LRP1B: variants seen among roughly 807,000 people sequenced by gnomAD.
LRP1B encodes the protein LDL receptor related protein 1B.
A neutral mutation model predicts 556.6 loss-of-function variants in LRP1B; 217 were observed. That is an observed-to-expected ratio of 0.39 (90% CI 0.35 to 0.44). The LOEUF is 0.44. Among genes scored for constraint, LRP1B ranks in the 20% least tolerant of loss-of-function variants. The probability of loss-of-function intolerance (pLI) is 1.00; values close to 1 mark genes in which losing one functional copy is unlikely to be tolerated. For missense variants in LRP1B, 5,053 were observed against 5,620.8 expected, an observed-to-expected ratio of 0.90 and a Z score of 3.23; for synonymous variants, 2,047 against 1,865.8, an observed-to-expected ratio of 1.10 and a Z score of -2.50.
At chr2:141,717,114 G>C (rs1054806885) in intron 2 of LRP1B, among the ~76,000 whole-genome samples, 1 of 152,052 alleles carries the variant, frequency 6.6e-6, no homozygotes, top group African/African-American at 2.4e-5. Context: ...TCAGAGGTAT[G>C]ATATAAATGT....
At chr2:140,361,007 T>C (rs889537759) in intron 72 of LRP1B, among the ~76,000 whole-genome samples, 1 of 151,372 alleles carries the variant, frequency 6.6e-6, no homozygotes, top group African/African-American at 2.4e-5. Context: ...TTTATCTTAA[T>C]TCTAGCTCAT....
intron 11 of LRP1B, among the ~76,000 whole-genome samples, chr2:141,031,264 CACACACACACACACACAT>C (rs1321431049): frequency 1.1e-5 from 1 of 87,132 alleles, no homozygotes; most frequent in African/African-American, 3.9e-5. Flanking sequence ...CACACACACA[CACACACACACACACACAT>C]ACATACATAT....
intron 3 of LRP1B, among the ~76,000 whole-genome samples, chr2:141,450,068 TTGAGGAGGGAAGAAAGGA>T (rs1474053049): frequency 6.6e-6 from 1 of 151,810 alleles, no homozygotes; most frequent in Non-Finnish European, 1.5e-5. Context: ...ATTTTAAACG[TTGAGGAGGGAAGAAAGGA>T]TAAAGGAAGA....
In LRP1B at chr2:141,575,096, G is replaced by GA. The variant is rs926946017; in HGVS notation, c.206-94564dup. Reference sequence around the variant, plus strand: ...CCATTGACATTCTTCACAGAATTTGGAAAAAAAAAACTATTTTAAATTTTA... The same window carrying GA: ...CCATTGACATTCTTCACAGAATTTGGAAAAAAAAAAACTATTTTAAATTTTA... On this transcript the variant is annotated intron_variant, in intron 2 of 90. Coordinates refer to ENST00000389484, the MANE Select transcript of LRP1B (RefSeq NM_018557.3). 2.8e-3 allele frequency among the ~76,000 whole-genome samples: 410 copies of GA among 147,220 alleles called. 1 individual carries two copies. The highest frequency in any genetic ancestry group is 9.4e-3 in the African/African-American group (379 of 40,268).
At chr2:140,703,312 C>T (rs1283782315) in intron 37 of LRP1B, among the ~76,000 whole-genome samples, 2 of 151,894 alleles carry the variant, frequency 1.3e-5, no homozygotes, top group Non-Finnish European at 2.9e-5. Context: ...AGAAAGAACA[C>T]ATATAGTATG....
chr2:141,550,065 T>A (rs1399705602), intron 2 of LRP1B, among the ~76,000 whole-genome samples: 1 of 152,174 alleles, frequency 6.6e-6, no homozygotes, highest in Non-Finnish European at 1.5e-5. Context: ...ACAATCCTCA[T>A]ACGTATATTT....
chr2:142,033,091 C>T (rs1006593648), intron 1 of LRP1B, among the ~76,000 whole-genome samples: 1 of 151,780 alleles, frequency 6.6e-6, no homozygotes, highest in African/African-American at 2.4e-5. Context: ...CTCTCAGACT[C>T]CCCACGATGA....
intron 23 of LRP1B, among the ~76,000 whole-genome samples, chr2:140,889,286 C>T (rs1693730886): frequency 1.3e-5 from 2 of 152,052 alleles, no homozygotes; most frequent in South Asian, 2.1e-4. Flanking sequence ...TTCCTATATA[C>T]TGTAATTATT....
intron 18 of LRP1B, among the ~76,000 whole-genome samples, chr2:140,958,288 T>G (rs1381404361): frequency 6.6e-6 from 1 of 151,422 alleles, no homozygotes. Flanking sequence ...ATAAAATAGG[T>G]AAGTCAAAAT....
At chr2:140,747,270 T>C (rs867904991) in intron 35 of LRP1B, among the ~76,000 whole-genome samples, 11 of 152,182 alleles carry the variant, frequency 7.2e-5, no homozygotes, top group Admixed American at 2.6e-4. Flanking sequence ...GTGAAGGCTC[T>C]TTCACTCACC....
intron 1 of LRP1B, among the ~76,000 whole-genome samples, chr2:141,821,805 A>G (rs1696760184): frequency 6.6e-6 from 1 of 152,176 alleles, no homozygotes; most frequent in South Asian, 2.1e-4. Context: ...ACTCACAAAA[A>G]CATCTTATAT....
At chr2:141,521,267 T>C (rs577392869) in intron 2 of LRP1B, among the ~76,000 whole-genome samples, 6 of 152,160 alleles carry the variant, frequency 3.9e-5, no homozygotes, top group African/African-American at 1.2e-4. Context: ...CTTTCAGAAA[T>C]CTCAAATTAT....
At chr2:141,966,799 A>C (rs1701578584) in intron 1 of LRP1B, among the ~76,000 whole-genome samples, 1 of 151,702 alleles carries the variant, frequency 6.6e-6, no homozygotes, top group Non-Finnish European at 1.5e-5. Context: ...TCCGGTGGAG[A>C]AATCATTCTA....
At chr2:141,494,007 T>A (rs944801778) in intron 2 of LRP1B, among the ~76,000 whole-genome samples, 3 of 152,168 alleles carry the variant, frequency 2.0e-5, no homozygotes, top group Non-Finnish European at 4.4e-5. Flanking sequence ...TTTAAGCATT[T>A]AATCAGTCTA....
intron 41 of LRP1B, among the ~76,000 whole-genome samples, chr2:140,688,033 C>T (rs1574242448): frequency 6.6e-6 from 1 of 152,208 alleles, no homozygotes; most frequent in South Asian, 2.1e-4. Context: ...TCTTTTATTA[C>T]TTCCTATGAA....
At chr2:141,707,625 A>G (rs1474911635) in intron 2 of LRP1B, among the ~76,000 whole-genome samples, 1 of 152,102 alleles carries the variant, frequency 6.6e-6, no homozygotes, top group Admixed American at 6.6e-5. Context: ...CATGTTCTTT[A>G]TGTTCTTTGG....
At chr2:141,178,562 T>C (rs1384219376) in intron 7 of LRP1B, among the ~76,000 whole-genome samples, 1 of 152,134 alleles carries the variant, frequency 6.6e-6, no homozygotes, top group African/African-American at 2.4e-5. Context: ...AAATGTAGCA[T>C]ATCCTATGTA....
chr2:140,695,176 C>A (rs1196640432), intron 41 of LRP1B, among the ~76,000 whole-genome samples: 1 of 151,588 alleles, frequency 6.6e-6, no homozygotes, highest in South Asian at 2.1e-4. Flanking sequence ...TCTTTTAGTA[C>A]TCACTTCTCT....
chr2:141,965,916 A>C (rs1324193354), intron 1 of LRP1B, among the ~76,000 whole-genome samples: 2 of 151,648 alleles, frequency 1.3e-5, no homozygotes, highest in African/African-American at 4.8e-5. Flanking sequence ...TAATTATTGA[A>C]ATATTAAGTT....
Sources: gnomAD v4.1 joint callset for allele counts (sites outside exome capture counted in the v4.1 genomes callset) on GRCh38, gnomAD v4.1.1 for gene constraint, MANE v1.5 for transcripts, NCBI Gene and HGNC (gene_info 2026-07-23, HGNC 2026-07-21) for gene names.